Variants in MEIS1 observed in about 807,000 individuals in gnomAD.
MEIS1 encodes homeobox protein Meis1.
MEIS1 carries 5 observed loss-of-function variants against 50.8 expected under a neutral mutation model. That is an observed-to-expected ratio of 0.10 (90% CI 0.05 to 0.21). The LOEUF (loss-of-function observed/expected upper bound fraction) is 0.21, where lower values mean the gene tolerates loss of function less well. Ranked by LOEUF, MEIS1 falls within the 10% of genes least tolerant of loss-of-function variation. MEIS1 has a pLI of 1.00. For synonymous variants in MEIS1, 176 were observed against 179.3 expected (o/e 0.98, Z 0.15); for missense variants, 318 against 517.3 (o/e 0.61, Z 3.74).
intron 8 of MEIS1, among the ~76,000 whole-genome samples, chr2:66,537,747 A>T (rs936701156): frequency 6.6e-6 from 1 of 152,110 alleles, no homozygotes; most frequent in African/African-American, 2.4e-5. Context: ...TTGTCTTTCT[A>T]CTTAATGGTT....
At chr2:66,524,158 A>T (rs1340520890) in intron 8 of MEIS1, among the ~76,000 whole-genome samples, 2 of 152,176 alleles carry the variant, frequency 1.3e-5, no homozygotes, top group South Asian at 4.1e-4. Flanking sequence ...TGTCCTGTTT[A>T]CCTTCTTGTG....
chr2:66,459,215 G>T lies in MEIS1; in HGVS notation c.631-4894G>T, dbSNP rs1240830473. ...GATAATCAGGGGCTGGGGTCAGGCA[G>T]GGCAGAGCAAGGCACTGCAGGCAGA... On this transcript the variant is annotated intron_variant, in intron 6 of 12. Coordinates refer to ENST00000272369, the MANE Select transcript of MEIS1 (RefSeq NM_002398.3). Among the ~76,000 whole-genome samples the T allele has an allele frequency of 2.0e-5, 3 of 152,150 alleles. No individual in the cohort carries two copies. In the East Asian group the frequency reaches 5.8e-4, roughly 29 times the overall value.
At chr2:66,501,172 A>G (rs1410313059) in intron 7 of MEIS1, among the ~76,000 whole-genome samples, 1 of 152,204 alleles carries the variant, frequency 6.6e-6, no homozygotes, top group East Asian at 1.9e-4. Context: ...AAAATAGGCA[A>G]GGTACTAGTT....
At chr2:66,559,096 C>T (rs1322285738) in intron 9 of MEIS1, among the ~76,000 whole-genome samples, 2 of 149,930 alleles carry the variant, frequency 1.3e-5, no homozygotes, top group Non-Finnish European at 3.0e-5. Context: ...GAGCTGAGAT[C>T]GAACCACTGC....
At chr2:66,451,311 T>C (rs1034865077) in intron 6 of MEIS1, among the ~76,000 whole-genome samples, 6 of 152,138 alleles carry the variant, frequency 3.9e-5, no homozygotes, top group Non-Finnish European at 7.4e-5. Context: ...TACATTTTAT[T>C]CTGAATTTGC....
intron 9 of MEIS1, among the ~76,000 whole-genome samples, chr2:66,548,296 ATCTC>A (rs147502796): frequency 6.6e-6 from 1 of 152,198 alleles, no homozygotes; most frequent in Non-Finnish European, 1.5e-5. Flanking sequence ...CTGTCAATGT[ATCTC>A]TCTCTATGGC....
chr2:66,460,641 G>A (rs932737990), intron 6 of MEIS1, among the ~76,000 whole-genome samples: 1 of 152,204 alleles, frequency 6.6e-6, no homozygotes, highest in South Asian at 2.1e-4. Context: ...AATAGAAATA[G>A]TGTCTGGAGG....
chr2:66,520,681 A>G (rs79696133), intron 8 of MEIS1, among the ~76,000 whole-genome samples: 14,517 of 152,290 alleles, frequency 0.095, 757 homozygotes, highest in East Asian at 0.16. Flanking sequence ...AAAAAAATTT[A>G]TTGTAATGCT....
At chr2:66,541,448 AGCATTCT>A (rs1674650265) in intron 8 of MEIS1, among the ~76,000 whole-genome samples, 1 of 152,210 alleles carries the variant, frequency 6.6e-6, no homozygotes, top group Admixed American at 6.5e-5. Context: ...AACATTATCC[AGCATTCT>A]ACTTTTCCTT....
chr2:66,529,504 T>A (rs11694675), intron 8 of MEIS1, among the ~76,000 whole-genome samples: 35,332 of 152,154 alleles, frequency 0.23, 5,080 homozygotes, highest in Non-Finnish European at 0.33. Flanking sequence ...CAGTGCAATC[T>A]TGGCTCACTG....
chr2:66,528,773 A>G (rs764353919), intron 8 of MEIS1, among the ~76,000 whole-genome samples: 4 of 152,168 alleles, frequency 2.6e-5, no homozygotes, highest in Non-Finnish European at 5.9e-5. Context: ...AAACTTGGCT[A>G]AGTCTCCTCC....
intron 7 of MEIS1, among the ~76,000 whole-genome samples, chr2:66,503,623 C>A (rs1673610278): frequency 6.6e-6 from 1 of 151,920 alleles, no homozygotes; most frequent in South Asian, 2.1e-4. Flanking sequence ...TGATTTTGTT[C>A]ACCATTTATG....
At chr2:66,436,416 G>T (rs997829478) in intron 1 of MEIS1, among the ~76,000 whole-genome samples, 8 of 152,138 alleles carry the variant, frequency 5.3e-5, no homozygotes, top group Non-Finnish European at 1.0e-4. Context: ...TCTTAGATAA[G>T]CCCTCTACTA....
intron 9 of MEIS1, among the ~76,000 whole-genome samples, chr2:66,560,590 A>T (rs962984437): frequency 1.3e-5 from 2 of 151,910 alleles, no homozygotes; most frequent in African/African-American, 4.8e-5. Flanking sequence ...TCTCAAAAAA[A>T]AAAAAAAGAA....
chr2:66,448,863 G>A (rs1672215832), intron 6 of MEIS1, among the ~76,000 whole-genome samples: 1 of 152,060 alleles, frequency 6.6e-6, no homozygotes, highest in African/African-American at 2.4e-5. Flanking sequence ...CCACTGTCAG[G>A]GAAATAGTTG....
intron 7 of MEIS1, among the ~76,000 whole-genome samples, chr2:66,495,529 A>G (rs1673380643): frequency 6.6e-6 from 1 of 152,220 alleles, no homozygotes; most frequent in South Asian, 2.1e-4. Flanking sequence ...CTTTGGGTAT[A>G]AATGAGAAAC....
At chr2:66,515,988 C>T (rs1299979361) in intron 8 of MEIS1, among the ~76,000 whole-genome samples, 1 of 152,178 alleles carries the variant, frequency 6.6e-6, no homozygotes, top group Non-Finnish European at 1.5e-5. Context: ...TAGCCTGTGA[C>T]ATCATAGTGC....
At chr2:66,517,413 G>A (rs539760449) in intron 8 of MEIS1, among the ~76,000 whole-genome samples, 2 of 151,970 alleles carry the variant, frequency 1.3e-5, no homozygotes, top group East Asian at 3.9e-4. Flanking sequence ...GGTGCGAGAA[G>A]ATTTTTTTTT....
intron 9 of MEIS1, among the ~76,000 whole-genome samples, chr2:66,549,171 A>G (rs1674858839): frequency 6.6e-6 from 1 of 152,164 alleles, no homozygotes; most frequent in Non-Finnish European, 1.5e-5. Context: ...TATTTTAGAG[A>G]TAACAAGCTA....
Sources: allele counts gnomAD v4.1 joint callset (sites outside exome capture counted in the v4.1 genomes callset), GRCh38; gene constraint gnomAD v4.1.1; transcripts MANE v1.5; gene names NCBI Gene and HGNC (gene_info 2026-07-23, HGNC 2026-07-21).